Variants in ADAMTS13 observed in about 807,000 individuals in gnomAD.
ADAMTS13 encodes the protein ADAM metallopeptidase with thrombospondin type 1 motif 13.
Under a neutral mutation model 155.1 loss-of-function variants are expected in ADAMTS13, and 110 were observed. The observed-to-expected ratio is 0.71, with a 90% CI of 0.61 to 0.83. The LOEUF is 0.83. ADAMTS13 is among the 40% of genes least tolerant of loss of function. The pLI is 0.00. For missense variants in ADAMTS13, 1,707 were observed against 1,891.7 expected (o/e 0.90, Z 1.81); for synonymous variants, 758 against 756.4 (o/e 1.00, Z -0.03).
At chr9:133,419,043 G>C (rs914376485), upstream of ADAMTS13, among the ~76,000 whole-genome samples, 1 of 152,120 alleles carries the variant, frequency 6.6e-6, no homozygotes, top group Non-Finnish European at 1.5e-5. Flanking sequence ...GTTTCGCCAC[G>C]TTGGCCAGGC....
rs1840154565 is a variant in ADAMTS13 at position 133,424,520 on chromosome 9, G to T, written c.330+42G>T. ...GGACTGTGCAGGTCCCCACGGCCAGGGCTGGTGACCAATGTCTGTGGGCTG... is the reference window on the plus strand; with the variant it reads ...GGACTGTGCAGGTCCCCACGGCCAGTGCTGGTGACCAATGTCTGTGGGCTG... On this transcript the variant is annotated intron_variant, in intron 3 of 28. Coordinates refer to ENST00000355699, the MANE Select transcript of ADAMTS13 (RefSeq NM_139027.6). The surrounding 1 kb of genome is among the most constrained non-coding windows in gnomAD (Gnocchi z 4.3). The T allele has an allele frequency of 6.3e-7, 1 of 1,586,444 alleles. No individual in the cohort carries two copies. Among genetic ancestry groups the T allele is most frequent in the South Asian group, 1.1e-5 (1 of 88,006 alleles).
intron 22 of ADAMTS13, among the ~76,000 whole-genome samples, chr9:133,449,530 C>A (rs915447492): frequency 2.0e-5 from 3 of 152,140 alleles, no homozygotes; most frequent in Admixed American, 2.0e-4. Context: ...CCCCTGCCCC[C>A]ACTGTCTCTG....
upstream of ADAMTS13, among the ~76,000 whole-genome samples, chr9:133,417,454 T>C (rs1554781886): frequency 6.6e-6 from 1 of 152,282 alleles, no homozygotes; most frequent in African/African-American, 2.4e-5. Context: ...AGCAAACAAG[T>C]TCGAGACCTC....
At chr9:133,419,905 AT>A (rs71503346), upstream of ADAMTS13, among the ~76,000 whole-genome samples, 1,308 of 117,880 alleles carry the variant, frequency 0.011, 10 homozygotes, top group African/African-American at 0.033. Context: ...TGCCCAGCTA[AT>A]TTTTTTTTTT....
At position 133,423,182 on chromosome 9, in the gene ADAMTS13, G is replaced by A. The variant is rs782413714; in HGVS notation, c.172+15G>A. 1 of 1,612,934 alleles carries A rather than the reference G, an allele frequency of 6.2e-7. No individual in the cohort carries two copies. Among genetic ancestry groups the A allele is most frequent in the East Asian group, 2.2e-5 (1 of 44,864 alleles). On this transcript the variant is annotated intron_variant, in intron 2 of 28. Transcript: ENST00000355699. ...TCCCTTAAAAGGTACTTGTCCTGGT[G>A]TCTTCTCTCCCGGGGGGAGTTTCTC...
chr9:133,455,316 G>A lies in ADAMTS13; in HGVS notation c.3281G>A (p.Arg1094His), dbSNP rs782080989. ...GTTTCCTGTGGGGATGGCATCCAGC[G>A]CCGGCGTGACACCTGCCTCGGACCC... Reference protein sequence around the residue: ...CSVSCGDGIQRRRDTCLGPQA... With the variant: ...CSVSCGDGIQHRRDTCLGPQA... The change falls in exon 25 of 29, where the codon CGC (arginine) becomes CAC (histidine). Residue 1094 changes from arginine (R) to histidine (H), a missense_variant. This residue lies in a region of ADAMTS13 where 961 missense variants were observed against 1,107.9 expected (regional missense o/e 0.87). Transcript: ENST00000355699. 27 of 1,605,588 alleles carry A rather than the reference G, an allele frequency of 1.7e-5. 1 individual carries two copies. The highest frequency in any genetic ancestry group is 3.3e-5 in the South Asian group (3 of 91,082).
At chr9:133,449,569 C>T (rs1486724152) in intron 22 of ADAMTS13, among the ~76,000 whole-genome samples, 1 of 152,176 alleles carries the variant, frequency 6.6e-6, no homozygotes, top group Non-Finnish European at 1.5e-5. Context: ...TTGCCCTCAC[C>T]TTTCTCTTCT....
rs782454600 is a variant in ADAMTS13 at position 133,437,884 on chromosome 9, C to T, written c.1571C>T (p.Ser524Leu). ...GACGGGACCCTGAGCCTGTGTGTGTCGGGCAGCTGCAGGGTAGGCGTGTGT... is the reference window on the plus strand; with the variant it reads ...GACGGGACCCTGAGCCTGTGTGTGTTGGGCAGCTGCAGGGTAGGCGTGTGT... The part of the protein sequence containing the change: ...REDGTLSLCV[S>L]GSCRTFGCDG... The change falls in exon 13 of 29, where the codon TCG becomes TTG. Residue 524 changes from serine to leucine, a missense_variant. Transcript: ENST00000355699. 37 of 1,613,472 alleles carry T rather than the reference C, an allele frequency of 2.3e-5. No individual in the cohort carries two copies. The highest frequency in any genetic ancestry group is 3.0e-5 in the Non-Finnish European group (35 of 1,179,962).
At chr9:133,419,180 G>T (rs587772595), upstream of ADAMTS13, among the ~76,000 whole-genome samples, 1 of 152,244 alleles carries the variant, frequency 6.6e-6, no homozygotes, top group East Asian at 1.9e-4. Flanking sequence ...ACAGGCAGAG[G>T]TTGATGGAGT....
chr9:133,414,590 C>T (rs781809440), exon 1 of ADAMTS13: 1 of 1,331,628 alleles, frequency 7.5e-7, no homozygotes, highest in Non-Finnish European at 1.1e-6. Context: ...GTGAGGCCAC[C>T]AGCCTCCATA....
rs1554790702 is a variant in ADAMTS13 at position 133,441,358 on chromosome 9, C to T, written c.1968+833C>T. Among the ~76,000 whole-genome samples, 1 of 152,206 alleles carries T rather than the reference C, an allele frequency of 6.6e-6. No individual in the cohort carries two copies. The highest frequency in any genetic ancestry group is 2.4e-5 in the African/African-American group (1 of 41,454). ...TTCCCCTGATATGGTTCCCTTCCTC[C>T]CCTCCCCTTGCCTGGGACATTGTAT... On this transcript the variant is annotated intron_variant, in intron 16 of 28. Transcript: ENST00000355699. This position sits in a 1 kb window ranked among gnomAD's most constrained non-coding sequence, Gnocchi z 5.0.
rs781908789 is a variant in ADAMTS13, at chr9:133,454,431, C to T, written c.3061C>T (p.Leu1021Phe). ...PCPPRWKVMSLGPCSASCGLG... is the reference protein window; with the variant it reads ...PCPPRWKVMSFGPCSASCGLG... The stretch of plus-strand genomic sequence containing the variant: ...TTCCTGCAGGTGGAAAGTCATGTCC[C>T]TTGGCCCATGTTCGGCCAGCTGTGG... The change falls in exon 24 of 29, where the codon CTT becomes TTT. Residue 1021 changes from leucine (L) to phenylalanine (F), a missense_variant. By Grantham distance (22) the Leu-to-Phe change is conservative (BLOSUM62 0). This residue lies in a region of ADAMTS13 where 961 missense variants were observed against 1,107.9 expected (regional missense o/e 0.87). Coordinates refer to ENST00000355699, the MANE Select transcript of ADAMTS13 (RefSeq NM_139027.6). 3 of 1,613,890 alleles carry T rather than the reference C, an allele frequency of 1.9e-6. No individual in the cohort carries two copies. Among genetic ancestry groups the T allele is most frequent in the South Asian group, 2.2e-5 (2 of 91,080 alleles).
At chr9:133,426,513 T>C (rs1840294130) in intron 6 of ADAMTS13, among the ~76,000 whole-genome samples, 168 bp downstream of exon 6, 1 of 152,196 alleles carries the variant, frequency 6.6e-6, no homozygotes, top group Non-Finnish European at 1.5e-5. Flanking sequence ...CTGATACTGT[T>C]TGATTAAAAG....
intron 8 of ADAMTS13, among the ~76,000 whole-genome samples, chr9:133,432,351 A>C (rs1840833937): frequency 6.6e-6 from 1 of 152,238 alleles, no homozygotes; most frequent in African/African-American, 2.4e-5. Context: ...AAAAGAAAAA[A>C]GACACAAAAA....
At chr9:133,457,789 G>A (rs1415725405) in intron 27 of ADAMTS13, 121 bp from the exon 28 acceptor site, 1 of 1,317,342 alleles carries the variant, frequency 7.6e-7, no homozygotes, top group African/African-American at 1.4e-5. Flanking sequence ...GGATTTGCCT[G>A]GGAACCCCAA....
intron 2 of ADAMTS13, 140 bp downstream of exon 2, chr9:133,423,307 T>A: frequency 1.3e-6 from 1 of 799,774 alleles, no homozygotes; most frequent in Non-Finnish European, 2.1e-6. Flanking sequence ...CCCTGTTAAT[T>A]AACTCTGTTA....
upstream of ADAMTS13, among the ~76,000 whole-genome samples, chr9:133,420,931 G>A (rs955987330): frequency 1.3e-5 from 2 of 152,346 alleles, no homozygotes; most frequent in South Asian, 4.1e-4. Context: ...TATGGCAGGA[G>A]GACAGTGTGG....
rs1554791527 is a variant in ADAMTS13 at position 133,443,461 on chromosome 9, G to A, written c.2320G>A (p.Gly774Ser). 1 of 1,592,432 alleles carries A rather than the reference G, an allele frequency of 6.3e-7. No homozygotes were observed. Among genetic ancestry groups the A allele is most frequent in the East Asian group, 2.3e-5 (1 of 44,178 alleles). ...GCCAGTGCGCTGCGTGGAGGCCCAG[G>A]GCAGCCTCCTGAAGACATTGCCCCC... ...ERPVRCVEAQ[G>S]SLLKTLPPAR... The change falls in exon 19 of 29, where the codon GGC (glycine) becomes AGC (serine). Residue 774 changes from glycine to serine, a missense_variant. By Grantham distance (56) the Gly-to-Ser change is moderately conservative. This residue lies in a region of ADAMTS13 where 961 missense variants were observed against 1,107.9 expected (regional missense o/e 0.87). Transcript: ENST00000355699.
chr9:133,433,587 TGAAG>T (rs1840947166), intron 10 of ADAMTS13, 50 bp from the exon 11 acceptor site: 1 of 1,613,790 alleles, frequency 6.2e-7, no homozygotes, highest in African/African-American at 1.3e-5. Context: ...AGTCCCTAGT[TGAAG>T]GCAGTGGTCA....
Sources: allele counts gnomAD v4.1 joint callset (sites outside exome capture counted in the v4.1 genomes callset), GRCh38; gene constraint gnomAD v4.1.1; regional missense constraint gnomAD v4.1.1; non-coding constraint Gnocchi (gnomAD v3.1); transcripts MANE v1.5; gene names NCBI Gene and HGNC (gene_info 2026-07-23, HGNC 2026-07-21).